PRKG1: variants seen among roughly 807,000 people sequenced by gnomAD.
PRKG1 encodes protein kinase cGMP-dependent 1.
A neutral mutation model predicts 88.1 loss-of-function variants in PRKG1; 35 were observed. The observed-to-expected ratio is 0.40, with a 90% confidence interval of 0.30 to 0.53. PRKG1 has a LOEUF of 0.53. Ranked by LOEUF, PRKG1 falls within the 20% of genes least tolerant of loss-of-function variation. The pLI is 0.59. For missense variants in PRKG1, 540 were observed against 839.8 expected (o/e 0.64, Z 4.41); for synonymous variants, 303 against 292.5 (o/e 1.04, Z -0.37).
At chr10:51,092,881 T>C (rs1844432651) in intron 1 of PRKG1, among the ~76,000 whole-genome samples, 1 of 152,182 alleles carries the variant, frequency 6.6e-6, no homozygotes. Flanking sequence ...TGAGCAATGT[T>C]TGTGGATGGG....
At chr10:51,911,827 C>CA (rs1349140167) in intron 5 of PRKG1, among the ~76,000 whole-genome samples, 1 of 152,160 alleles carries the variant, frequency 6.6e-6, no homozygotes, top group African/African-American at 2.4e-5. Flanking sequence ...CAAATAGCCA[C>CA]AAGAAGATGA....
At chr10:51,083,514 G>GT (rs11419106) in intron 1 of PRKG1, among the ~76,000 whole-genome samples, 78,306 of 145,976 alleles carry the variant, frequency 0.54, 22,239 homozygotes, top group East Asian at 0.76. Flanking sequence ...GCCAGCTACA[G>GT]TTTTTTTTTT....
rs188367835 is a variant in PRKG1 at position 51,536,172 on chromosome 10, G to A, written c.592+68336G>A. Among the ~76,000 whole-genome samples the A allele has an allele frequency of 2.8e-3, 422 of 152,312 alleles. 3 individuals are homozygous for A. The highest frequency in any genetic ancestry group is 9.8e-3 in the African/African-American group (408 of 41,584). ...TCATAAAAAGAAGTACAAAACAGAA[G>A]TTGATGAAGTTAAGTGATCTGCCCA... On this transcript the variant is annotated intron_variant, in intron 3 of 17. Coordinates refer to ENST00000373980, the MANE Select transcript of PRKG1 (RefSeq NM_006258.4).
upstream of PRKG1, chr10:51,074,295 C>G: frequency 2.5e-6 from 1 of 400,878 alleles, no homozygotes; most frequent in South Asian, 5.3e-5. Context: ...ACTCTTCTCC[C>G]CCGCGCCGCG....
chr10:51,716,588 T>C (rs774859915), intron 3 of PRKG1, among the ~76,000 whole-genome samples: 8 of 152,242 alleles, frequency 5.3e-5, no homozygotes, highest in African/African-American at 1.7e-4. Context: ...CGTACAAACA[T>C]GGGCTTAAGA....
chr10:51,401,431 G>A (rs1026314337), intron 2 of PRKG1, among the ~76,000 whole-genome samples: 3 of 152,076 alleles, frequency 2.0e-5, no homozygotes, highest in South Asian at 2.1e-4. Flanking sequence ...AATATCCTAG[G>A]TGTCTGTTTT....
chr10:51,349,442 A>G (rs1277875913), intron 2 of PRKG1, among the ~76,000 whole-genome samples: 1 of 143,946 alleles, frequency 6.9e-6, no homozygotes, highest in Non-Finnish European at 1.5e-5. Flanking sequence ...GTTTACTTTG[A>G]GTTCATATTG....
intron 5 of PRKG1, among the ~76,000 whole-genome samples, chr10:51,970,001 TACACACACAC>T (rs35117709): frequency 0.097 from 14,050 of 144,482 alleles, 829 homozygotes; most frequent in East Asian, 0.27. Flanking sequence ...ATTCTCTTCA[TACACACACAC>T]ACACACACAC....
chr10:51,700,827 T>C (rs1841446526), intron 3 of PRKG1, among the ~76,000 whole-genome samples: 1 of 152,246 alleles, frequency 6.6e-6, no homozygotes, highest in African/African-American at 2.4e-5. Context: ...GAAAACTTTT[T>C]TAGTATTTAG....
intron 5 of PRKG1, among the ~76,000 whole-genome samples, chr10:51,951,951 A>T (rs1843195269): frequency 6.6e-6 from 1 of 152,194 alleles, no homozygotes; most frequent in Non-Finnish European, 1.5e-5. Flanking sequence ...TATTATATGA[A>T]ATTCAGATTT....
chr10:52,117,061 A>T (rs1847703458), intron 7 of PRKG1, among the ~76,000 whole-genome samples: 1 of 152,062 alleles, frequency 6.6e-6, no homozygotes, highest in African/African-American at 2.4e-5. Flanking sequence ...ATGAAGAGAA[A>T]ATCTGTTTCC....
At chr10:51,606,997 A>G (rs1242460249) in intron 3 of PRKG1, among the ~76,000 whole-genome samples, 1 of 152,150 alleles carries the variant, frequency 6.6e-6, no homozygotes, top group Non-Finnish European at 1.5e-5. Flanking sequence ...AGGGTGGAGT[A>G]TTACAGCCCT....
rs987032333 is a variant in PRKG1, at chr10:51,767,230, C to T, written c.593-37355C>T. Among the ~76,000 whole-genome samples, 31 of 152,084 alleles carry T rather than the reference C, an allele frequency of 2.0e-4. 1 individual carries two copies. The highest frequency in any genetic ancestry group is 6.8e-4 in the African/African-American group (28 of 41,414). Reference sequence around the variant, plus strand: ...AGATTAGAAGATAGGCGGAGATTGGCGTAAATGCACATATACTCACTGAAA... The same window carrying T: ...AGATTAGAAGATAGGCGGAGATTGGTGTAAATGCACATATACTCACTGAAA... On this transcript the variant is annotated intron_variant, in intron 3 of 17. Coordinates refer to ENST00000373980, the MANE Select transcript of PRKG1 (RefSeq NM_006258.4).
At chr10:51,091,546 A>G (rs576722499) in intron 1 of PRKG1, among the ~76,000 whole-genome samples, 1 of 152,282 alleles carries the variant, frequency 6.6e-6, no homozygotes, top group African/African-American at 2.4e-5. Context: ...TTAGAATGCT[A>G]AGGTTGTATT....
intron 5 of PRKG1, among the ~76,000 whole-genome samples, chr10:51,911,547 T>G (rs183215970): frequency 6.6e-6 from 1 of 152,198 alleles, no homozygotes; most frequent in African/African-American, 2.4e-5. Flanking sequence ...TCCATACCAA[T>G]GCTGAATTAA....
intron 3 of PRKG1, among the ~76,000 whole-genome samples, chr10:51,656,514 G>T (rs955850703): frequency 1.3e-5 from 2 of 152,072 alleles, no homozygotes; most frequent in African/African-American, 4.8e-5. Flanking sequence ...ACATTAGAAG[G>T]CCTCAGGAAG....
At chr10:52,263,325 G>A (rs1268049324) in intron 10 of PRKG1, among the ~76,000 whole-genome samples, 1 of 151,932 alleles carries the variant, frequency 6.6e-6, no homozygotes, top group Non-Finnish European at 1.5e-5. Flanking sequence ...GAAACATGTA[G>A]CTACCTGACA....
At chr10:51,810,380 A>C (rs1054926277) in intron 4 of PRKG1, among the ~76,000 whole-genome samples, 2 of 152,160 alleles carry the variant, frequency 1.3e-5, no homozygotes, top group African/African-American at 4.8e-5. Context: ...ATTTGTAACC[A>C]AAATCCAAAA....
At chr10:52,111,098 C>G (rs962901262) in intron 7 of PRKG1, among the ~76,000 whole-genome samples, 1 of 152,050 alleles carries the variant, frequency 6.6e-6, no homozygotes, top group Non-Finnish European at 1.5e-5. Context: ...ACAATGAGAT[C>G]AAATAATTTA....
Sources: gnomAD v4.1 joint callset for allele counts (sites outside exome capture counted in the v4.1 genomes callset) on GRCh38, gnomAD v4.1.1 for gene constraint, MANE v1.5 for transcripts, NCBI Gene and HGNC (gene_info 2026-07-23, HGNC 2026-07-21) for gene names.